Variants in GALK2 observed in about 807,000 individuals in gnomAD.
GALK2 encodes the protein N-acetylgalactosamine kinase.
Under a neutral mutation model 52.4 loss-of-function variants are expected in GALK2, and 36 were observed. The ratio of observed to expected loss-of-function variants is 0.69; its 90% confidence interval spans 0.53 to 0.91. The LOEUF is 0.91. Among genes scored for constraint, GALK2 ranks in the 40% least tolerant of loss-of-function variants. The probability of loss-of-function intolerance (pLI) is 0.00; values close to 1 mark genes in which losing one functional copy is unlikely to be tolerated. For synonymous variants in GALK2, 176 were observed against 199.1 expected (o/e 0.88, Z 0.98); for missense variants, 579 against 559.1 (o/e 1.04, Z -0.36).
chr15:49,354,452 G>C (rs988956150), intron 3 of GALK2, among the ~76,000 whole-genome samples: 2 of 152,232 alleles, frequency 1.3e-5, no homozygotes, highest in African/African-American at 4.8e-5. Context: ...AGGGGTCAGG[G>C]AGTTCCCTTT....
At position 49,252,787 on chromosome 15, in the gene GALK2, C is replaced by T. The variant is rs1374147818; in HGVS notation, c.504+13420C>T. On this transcript the variant is annotated intron_variant, in intron 5 of 9. Coordinates refer to ENST00000560031, the MANE Select transcript of GALK2 (RefSeq NM_002044.4). ...CGGAAAGATTTTACCAGCAATGCAG[C>T]AACATTGCATGAGAGGATCTATTTT... Among the ~76,000 whole-genome samples the T allele has an allele frequency of 1.4e-5, 2 of 143,222 alleles. 1 individual carries two copies. Among genetic ancestry groups the T allele is most frequent in the Non-Finnish European group, 3.1e-5 (2 of 63,624 alleles). The allele number at this position is 143,222 out of a possible 152,430, so 94.0% of individuals were successfully genotyped here.
upstream of GALK2, among the ~76,000 whole-genome samples, chr15:49,165,978 A>T (rs1315211446): frequency 6.6e-6 from 1 of 151,514 alleles, no homozygotes; most frequent in East Asian, 1.9e-4. Context: ...AATTTTTTGT[A>T]TTTTTAGTAG....
chr15:49,194,974 T>C (rs2087086654), intron 1 of GALK2: 2 of 362,340 alleles, frequency 5.5e-6, no homozygotes, highest in Non-Finnish European at 5.4e-6. Context: ...TTTTGGGAGA[T>C]TTAGTTGAAT....
At chr15:49,285,742 C>T (rs905719429) in intron 7 of GALK2, among the ~76,000 whole-genome samples, 1 of 152,186 alleles carries the variant, frequency 6.6e-6, no homozygotes, top group East Asian at 1.9e-4. Flanking sequence ...TCTCACTGTT[C>T]CTTAAATTCA....
At chr15:49,228,671 A>ATG (rs1381341011) in intron 3 of GALK2, among the ~76,000 whole-genome samples, 4 of 9,222 alleles carry the variant, frequency 4.3e-4, no homozygotes, top group Non-Finnish European at 2.2e-4. Flanking sequence ...ATATATATAT[A>ATG]TATATATATA....
At chr15:49,363,553 A>T (rs1297170709) in intron 3 of GALK2, among the ~76,000 whole-genome samples, 2 of 152,128 alleles carry the variant, frequency 1.3e-5, no homozygotes, top group Non-Finnish European at 2.9e-5. Flanking sequence ...TACATATAGG[A>T]TCATATTGTC....
chr15:49,352,702 A>C (rs1285935356), intron 3 of GALK2, among the ~76,000 whole-genome samples: 1 of 152,182 alleles, frequency 6.6e-6, no homozygotes, highest in Non-Finnish European at 1.5e-5. Flanking sequence ...ACAGTGAACA[A>C]ATTAAAATAG....
chr15:49,346,655 A>C (rs1387063753), intron 3 of GALK2, among the ~76,000 whole-genome samples: 1 of 152,166 alleles, frequency 6.6e-6, no homozygotes, highest in Non-Finnish European at 1.5e-5. Flanking sequence ...TGTATCCCTT[A>C]GAGATAGTCT....
exon 1 of GALK2, chr15:49,155,973 GC>G (rs772127477): frequency 6.2e-7 from 1 of 1,614,002 alleles, no homozygotes; most frequent in Non-Finnish European, 8.5e-7. Context: ...AGGACCAGAA[GC>G]CTTTCGCGGA....
intron 1 of GALK2, among the ~76,000 whole-genome samples, chr15:49,193,090 G>A (rs143271088): frequency 1.3e-5 from 2 of 150,708 alleles, no homozygotes; most frequent in Non-Finnish European, 3.0e-5. Context: ...CTCCACCTCC[G>A]GGGTTCAAGC....
intron 4 of GALK2, among the ~76,000 whole-genome samples, chr15:49,237,786 A>C (rs1438345537): frequency 6.6e-6 from 1 of 152,052 alleles, no homozygotes; most frequent in African/African-American, 2.4e-5. Context: ...ATAAGTTCTT[A>C]AGTGTGATTC....
At chr15:49,166,048 C>T (rs1247723708), upstream of GALK2, among the ~76,000 whole-genome samples, 2 of 151,866 alleles carry the variant, frequency 1.3e-5, no homozygotes, top group Non-Finnish European at 2.9e-5. Flanking sequence ...GTGATCTGCC[C>T]GCCTCGGCCT....
intron 1 of GALK2, among the ~76,000 whole-genome samples, chr15:49,182,721 T>G (rs1227031554): frequency 6.6e-6 from 1 of 152,230 alleles, no homozygotes; most frequent in African/African-American, 2.4e-5. Context: ...CAGTTTTAAT[T>G]TGCATTTCTC....
At chr15:49,215,785 G>A (rs1046582139) in intron 2 of GALK2, among the ~76,000 whole-genome samples, 1 of 152,154 alleles carries the variant, frequency 6.6e-6, no homozygotes, top group Non-Finnish European at 1.5e-5. Flanking sequence ...GGATACTCTT[G>A]ATGCTTGTGG....
rs1460344412 is a variant in GALK2, at chr15:49,355,894, G to A, written c.427-11597G>A. ...CCATCAGACTAACAGTGGATCTCTC[G>A]GCAGAAACCCTACAAGCCAGAAGAG... On this transcript the variant is annotated intron_variant, in intron 3 of 3. Transcript: ENST00000558399. 3.3e-5 allele frequency among the ~76,000 whole-genome samples: 5 copies of A among 151,914 alleles called. No homozygotes were observed. The East Asian group carries it at 5.8e-4, about 18-fold the overall frequency.
intron 5 of GALK2, among the ~76,000 whole-genome samples, chr15:49,280,373 G>C (rs931178895): frequency 6.6e-6 from 1 of 152,168 alleles, no homozygotes; most frequent in Non-Finnish European, 1.5e-5. Flanking sequence ...ATGCGGTGGG[G>C]AGTATTGAGT....
chr15:49,170,456 C>A, intron 1 of GALK2, 81 bp downstream of exon 1: 3 of 1,402,346 alleles, frequency 2.1e-6, no homozygotes, highest in Non-Finnish European at 2.9e-6. Flanking sequence ...TGGCTCCTCC[C>A]TTGGGGCGCT....
chr15:49,292,244 C>T, intron 7 of GALK2, 83 bp from the exon 8 acceptor site: 2 of 1,262,894 alleles, frequency 1.6e-6, no homozygotes, highest in South Asian at 2.8e-5. Flanking sequence ...CAAAAAACAG[C>T]TTAACGTTGA....
chr15:49,159,919 G>A (rs74523667), intron 1 of GALK2, among the ~76,000 whole-genome samples: 10,330 of 152,158 alleles, frequency 0.068, 738 homozygotes, highest in African/African-American at 0.17. Context: ...AAATGCAGCT[G>A]TGTCTGTTTC....
Sources: allele counts gnomAD v4.1 joint callset (sites outside exome capture counted in the v4.1 genomes callset), GRCh38; gene constraint gnomAD v4.1.1; transcripts MANE v1.5; gene names NCBI Gene and HGNC (gene_info 2026-07-23, HGNC 2026-07-21).